The following EPHA4 variants were observed in gnomAD, a reference collection of about 807,000 sequenced individuals.
EPHA4 encodes the protein EPH receptor A4.
In EPHA4, 19 loss-of-function variants were observed where a neutral mutation model predicts 108.3. The ratio of observed to expected loss-of-function variants is 0.18; its 90% CI spans 0.12 to 0.26. The LOEUF is 0.26. Ranked by LOEUF, EPHA4 falls within the 10% of genes least tolerant of loss-of-function variation. EPHA4 has a pLI of 1.00. For missense variants in EPHA4, 917 were observed against 1,254.0 expected, an observed-to-expected ratio of 0.73 and a Z score of 4.06; for synonymous variants, 449 against 455.5, an observed-to-expected ratio of 0.99 and a Z score of 0.18.
At chr2:221,508,949 TATTTC>T (rs1405552710) in intron 3 of EPHA4, among the ~76,000 whole-genome samples, 1 of 152,370 alleles carries the variant, frequency 6.6e-6, no homozygotes, top group East Asian at 1.9e-4. Flanking sequence ...TTACTTATTT[TATTTC>T]AAGTATTTGT....
chr2:221,448,761 T>C (rs1339899502), intron 8 of EPHA4, among the ~76,000 whole-genome samples: 3 of 152,194 alleles, frequency 2.0e-5, no homozygotes, highest in Non-Finnish European at 4.4e-5. Context: ...TCTCGAACAC[T>C]GATTTGAATT....
rs1213102498 is a variant in EPHA4 at position 221,473,551 on chromosome 2, GGAAAAAAA to G, written c.1318+8793_1318+8800del. ...CTTTTGGGTTTTCAAGGTGTTTAAA[GGAAAAAAA>G]AAAAAAAAAAAAAAACTATTTAAAG... is the stretch of plus-strand genomic sequence containing the variant. On this transcript the variant is annotated intron_variant, in intron 5 of 17. Coordinates refer to ENST00000281821, the MANE Select transcript of EPHA4 (RefSeq NM_004438.5). Among the ~76,000 whole-genome samples, 25 of 30,576 alleles carry G rather than the reference GGAAAAAAA, an allele frequency of 8.2e-4. No individual in the cohort carries two copies. In the South Asian group the frequency reaches 0.032, roughly 39 times the overall value. The allele number at this position is 30,576 out of a possible 152,430, so 20.1% of individuals were successfully genotyped here. A position where few individuals can be genotyped will look rare whatever the true frequency, so the allele number is the denominator to read the frequency against.
chr2:221,466,732 A>C (rs1035209151), intron 5 of EPHA4, among the ~76,000 whole-genome samples: 4 of 152,164 alleles, frequency 2.6e-5, no homozygotes, highest in Non-Finnish European at 4.4e-5. Flanking sequence ...TACTATTATT[A>C]TCCTCATTTT....
chr2:221,503,376 T>C (rs1048502300), intron 3 of EPHA4, among the ~76,000 whole-genome samples: 1 of 152,112 alleles, frequency 6.6e-6, no homozygotes, highest in Non-Finnish European at 1.5e-5. Context: ...AATGGCATAT[T>C]TGAAAAGCTA....
intron 3 of EPHA4, among the ~76,000 whole-genome samples, chr2:221,554,976 T>G (rs1292806941): frequency 1.3e-5 from 2 of 152,186 alleles, no homozygotes; most frequent in Non-Finnish European, 2.9e-5. Context: ...CCTAGCATAA[T>G]CTGAATAGTG....
chr2:221,446,076 G>T, intron 9 of EPHA4, 47 bp downstream of exon 9: 2 of 1,257,430 alleles, frequency 1.6e-6, no homozygotes, highest in Non-Finnish European at 1.1e-6. Context: ...ACTAGAAAAC[G>T]TGTGACATGC....
upstream of EPHA4, chr2:221,572,451 T>C (rs1694877019): frequency 5.3e-6 from 2 of 378,334 alleles, no homozygotes; most frequent in Admixed American, 4.8e-5. Flanking sequence ...CGCCCCAGGG[T>C]TCCGCCCCCT....
intron 3 of EPHA4, among the ~76,000 whole-genome samples, chr2:221,542,015 AG>A (rs1341279130): frequency 1.3e-5 from 2 of 152,246 alleles, no homozygotes; most frequent in East Asian, 1.9e-4. Flanking sequence ...AGTTACAGAA[AG>A]CAGAATGAAT....
chr2:221,512,561 G>C (rs1692860485), intron 3 of EPHA4, among the ~76,000 whole-genome samples: 1 of 152,154 alleles, frequency 6.6e-6, no homozygotes, highest in East Asian at 1.9e-4. Flanking sequence ...GGTACATAAA[G>C]ATGAGTGGCT....
intron 4 of EPHA4, among the ~76,000 whole-genome samples, chr2:221,484,554 A>G (rs1240016047): frequency 6.6e-6 from 1 of 152,154 alleles, no homozygotes. Flanking sequence ...GAAAATACAA[A>G]TTTCTTTCTT....
intron 3 of EPHA4, among the ~76,000 whole-genome samples, chr2:221,530,610 A>G (rs1223051678): frequency 6.6e-6 from 1 of 152,132 alleles, no homozygotes; most frequent in African/African-American, 2.4e-5. Context: ...CCTTCTTGGG[A>G]GCAGAGAAAC....
At chr2:221,562,538 A>G (rs565927498) in intron 3 of EPHA4, among the ~76,000 whole-genome samples, 97 of 152,284 alleles carry the variant, frequency 6.4e-4, no homozygotes, top group South Asian at 1.2e-3. Flanking sequence ...AGGCCCTTTA[A>G]CCACCAAATC....
chr2:221,500,322 T>G (rs181035535), intron 4 of EPHA4, among the ~76,000 whole-genome samples: 112 of 152,204 alleles, frequency 7.4e-4, no homozygotes, highest in African/African-American at 2.5e-3. Flanking sequence ...ATGGGCCCAG[T>G]GCTCCCCATT....
chr2:221,468,293 T>A (rs550905676), intron 5 of EPHA4, among the ~76,000 whole-genome samples: 2 of 151,966 alleles, frequency 1.3e-5, no homozygotes, highest in South Asian at 4.2e-4. Flanking sequence ...AAAAATGCTC[T>A]CCAAAATTAA....
chr2:221,430,128 G>A lies in EPHA4; in HGVS notation c.2520C>T (p.Gly840=), dbSNP rs1690028798. The A allele has an allele frequency of 6.2e-7, 1 of 1,608,950 alleles. No individual in the cohort carries two copies. The highest frequency in any genetic ancestry group is 8.5e-7 in the Non-Finnish European group (1 of 1,178,238). The change falls in exon 15 of 18, where the codon GGC becomes GGT. Residue 840 remains glycine (G), a synonymous_variant. Transcript: ENST00000281821. The part of the protein sequence containing the change: ...NQDVIKAIEE[G]YRLPPPMDCP... ...AGTCCATTGGAGGGGGTAACCGATA[G>A]CCTTCCTCAATGGCTTTAATCACCT... is the stretch of plus-strand genomic sequence containing the variant.
intron 5 of EPHA4, among the ~76,000 whole-genome samples, chr2:221,471,317 A>G (rs1559255298): frequency 1.3e-5 from 2 of 152,164 alleles, no homozygotes; most frequent in African/African-American, 4.8e-5. Context: ...CATGAACTCA[A>G]TTTGCTGAAG....
chr2:221,517,791 T>C (rs1693033672), intron 3 of EPHA4, among the ~76,000 whole-genome samples: 1 of 152,236 alleles, frequency 6.6e-6, no homozygotes, highest in Admixed American at 6.5e-5. Context: ...GCCACCCGCA[T>C]GTGCTATCAC....
intron 3 of EPHA4, among the ~76,000 whole-genome samples, chr2:221,518,874 T>C (rs1055634402): frequency 1.1e-4 from 16 of 152,194 alleles, no homozygotes; most frequent in African/African-American, 3.9e-4. Context: ...TAATGCTCTC[T>C]TGCTTGGGAG....
chr2:221,533,913 C>T (rs903539983), intron 3 of EPHA4, among the ~76,000 whole-genome samples: 10 of 152,088 alleles, frequency 6.6e-5, no homozygotes, highest in African/African-American at 2.2e-4. Context: ...GAGCCAGCAG[C>T]GCCCTACCAG....
Sources: allele counts gnomAD v4.1 joint callset (sites outside exome capture counted in the v4.1 genomes callset), GRCh38; gene constraint gnomAD v4.1.1; transcripts MANE v1.5; gene names NCBI Gene and HGNC (gene_info 2026-07-23, HGNC 2026-07-21).